The following ITPR2 variants were observed in gnomAD, a reference collection of about 807,000 sequenced individuals.
ITPR2 encodes inositol 1,4,5-trisphosphate-gated calcium channel ITPR2.
In ITPR2, 207 loss-of-function variants were observed where a neutral mutation model predicts 317.1. That is an observed-to-expected ratio of 0.65 (90% CI 0.58 to 0.73). ITPR2 has a LOEUF of 0.73. Ranked by LOEUF, ITPR2 falls within the 30% of genes least tolerant of loss-of-function variation. The pLI, the probability that ITPR2 is intolerant of heterozygous loss-of-function variation, is 0.00. For synonymous variants in ITPR2, 1,156 were observed against 1,149.1 expected, an observed-to-expected ratio of 1.01 and a Z score of -0.12; for missense variants, 2,613 against 3,284.0, an observed-to-expected ratio of 0.80 and a Z score of 4.99.
chr12:26,478,011 C>T (rs1942456071), intron 43 of ITPR2, among the ~76,000 whole-genome samples: 2 of 152,244 alleles, frequency 1.3e-5, no homozygotes, highest in South Asian at 4.1e-4. Flanking sequence ...TAAGATGCTT[C>T]TAAGTGACTC....
chr12:26,697,482 C>T (rs1592048319), intron 9 of ITPR2, among the ~76,000 whole-genome samples: 1 of 152,054 alleles, frequency 6.6e-6, no homozygotes, highest in Non-Finnish European at 1.5e-5. Context: ...ATAAAGGCAA[C>T]GAAATAACAT....
At chr12:26,723,999 A>T (rs1948880245) in intron 4 of ITPR2, among the ~76,000 whole-genome samples, 1 of 152,216 alleles carries the variant, frequency 6.6e-6, no homozygotes. Flanking sequence ...TTTTATAAAC[A>T]TGCCTTACCC....
intron 37 of ITPR2, among the ~76,000 whole-genome samples, chr12:26,539,503 T>C (rs1290623075): frequency 6.6e-6 from 1 of 152,188 alleles, no homozygotes; most frequent in Non-Finnish European, 1.5e-5. Context: ...CTCTTGCTTG[T>C]TCCTACTGGA....
At chr12:26,608,903 G>A (rs1243059975) in intron 26 of ITPR2, among the ~76,000 whole-genome samples, 1 of 151,890 alleles carries the variant, frequency 6.6e-6, no homozygotes, top group Non-Finnish European at 1.5e-5. Context: ...GTAAAATGTA[G>A]AAAGCATGGG....
intron 11 of ITPR2, among the ~76,000 whole-genome samples, chr12:26,683,099 T>A (rs1251802453): frequency 6.6e-6 from 1 of 152,212 alleles, no homozygotes; most frequent in South Asian, 2.1e-4. Flanking sequence ...GTGTAGTTTG[T>A]GTAGTTTAAT....
At chr12:26,564,549 T>C (rs899120423) in intron 34 of ITPR2, among the ~76,000 whole-genome samples, 1 of 152,186 alleles carries the variant, frequency 6.6e-6, no homozygotes, top group Non-Finnish European at 1.5e-5. Context: ...TTTGCAGATG[T>C]AATCACGTTA....
At chr12:26,445,227 G>A (rs546049118) in intron 45 of ITPR2, among the ~76,000 whole-genome samples, 2 of 152,154 alleles carry the variant, frequency 1.3e-5, no homozygotes, top group Non-Finnish European at 2.9e-5. Context: ...AAAAATGTAG[G>A]AGGAGTACAT....
chr12:26,393,527 C>T (rs898914672), intron 54 of ITPR2, among the ~76,000 whole-genome samples: 2 of 152,146 alleles, frequency 1.3e-5, no homozygotes, highest in African/African-American at 4.8e-5. Context: ...CAGAAAGTAG[C>T]AGCAAAAAGT....
At chr12:26,490,486 G>A (rs118099216) in intron 39 of ITPR2, among the ~76,000 whole-genome samples, 5 of 152,278 alleles carry the variant, frequency 3.3e-5, no homozygotes, top group South Asian at 2.1e-4. Context: ...TTTACTAGAC[G>A]AAGCCTGATG....
At chr12:26,343,674 G>C (rs898992651) in intron 55 of ITPR2, among the ~76,000 whole-genome samples, 1 of 152,224 alleles carries the variant, frequency 6.6e-6, no homozygotes, top group African/African-American at 2.4e-5. Flanking sequence ...GGAGGCTGTG[G>C]GTGGCCAAGG....
At chr12:26,745,129 T>C (rs557609960) in intron 2 of ITPR2, among the ~76,000 whole-genome samples, 65 of 152,330 alleles carry the variant, frequency 4.3e-4, no homozygotes, top group African/African-American at 1.4e-3. Flanking sequence ...TTTGATGTTA[T>C]CCAGGAATGA....
At chr12:26,607,317 A>C (rs1236902713) in intron 26 of ITPR2, among the ~76,000 whole-genome samples, 1 of 152,182 alleles carries the variant, frequency 6.6e-6, no homozygotes, top group Admixed American at 6.5e-5. Flanking sequence ...CATGCAAAAA[A>C]AAATTTTAAT....
intron 37 of ITPR2, among the ~76,000 whole-genome samples, chr12:26,524,718 A>T (rs559080440): frequency 6.6e-6 from 1 of 152,328 alleles, no homozygotes; most frequent in South Asian, 2.1e-4. Context: ...AACAAAGTAC[A>T]CAAACCAGAT....
chr12:26,422,433 T>C (rs1387770657), intron 49 of ITPR2, among the ~76,000 whole-genome samples: 1 of 152,120 alleles, frequency 6.6e-6, no homozygotes, highest in African/African-American at 2.4e-5. Flanking sequence ...CATTTAACAG[T>C]ACAGTGTAGC....
At chr12:26,734,077 T>C (rs778699937) in intron 2 of ITPR2, among the ~76,000 whole-genome samples, 14 of 151,438 alleles carry the variant, frequency 9.2e-5, no homozygotes, top group Admixed American at 3.3e-4. Context: ...TCCTTTTACA[T>C]CAGGTCTTGT....
intron 15 of ITPR2, among the ~76,000 whole-genome samples, chr12:26,661,737 G>T (rs1167091036): frequency 6.6e-6 from 1 of 152,080 alleles, no homozygotes; most frequent in Non-Finnish European, 1.5e-5. Context: ...AACCCAAGAA[G>T]AAAAACCAGA....
chr12:26,443,489 A>T, intron 46 of ITPR2, 54 bp downstream of exon 46: 2 of 1,356,344 alleles, frequency 1.5e-6, no homozygotes, highest in Non-Finnish European at 2.1e-6. Context: ...CTAAAATAGG[A>T]AGTAAGCATA....
intron 48 of ITPR2, among the ~76,000 whole-genome samples, chr12:26,433,990 G>A (rs768169328): frequency 3.4e-4 from 51 of 151,984 alleles, no homozygotes; most frequent in Non-Finnish European, 7.1e-4. Context: ...AAAATATATA[G>A]GGTAAATTAA....
chr12:26,497,909 A>AT (rs1341372834), intron 37 of ITPR2, among the ~76,000 whole-genome samples: 1 of 151,498 alleles, frequency 6.6e-6, no homozygotes, highest in Non-Finnish European at 1.5e-5. Flanking sequence ...TGTTTTTTGT[A>AT]TTTTTAGTAC....
Sources: gnomAD v4.1 joint callset for allele counts (sites outside exome capture counted in the v4.1 genomes callset) on GRCh38, gnomAD v4.1.1 for gene constraint, MANE v1.5 for transcripts, NCBI Gene and HGNC (gene_info 2026-07-23, HGNC 2026-07-21) for gene names.